The following PRKN variants were observed in gnomAD, a reference collection of about 807,000 sequenced individuals.
The protein encoded by PRKN is parkin RBR E3 ubiquitin protein ligase.
A neutral mutation model predicts 59.5 loss-of-function variants in PRKN; 56 were observed. The observed-to-expected ratio is 0.94, with a 90% CI of 0.76 to 1.18. The LOEUF (loss-of-function observed/expected upper bound fraction) is 1.18, where lower values mean the gene tolerates loss of function less well. Among genes scored for constraint, PRKN ranks in the 50% most tolerant of loss-of-function variants. PRKN has a pLI of 0.00. For synonymous variants in PRKN, 250 were observed against 222.1 expected (o/e 1.13, Z -1.12); for missense variants, 657 against 596.4 (o/e 1.10, Z -1.06).
At chr6:162,403,150 A>G (rs1787881740) in intron 2 of PRKN, among the ~76,000 whole-genome samples, 1 of 152,160 alleles carries the variant, frequency 6.6e-6, no homozygotes, top group Non-Finnish European at 1.5e-5. Flanking sequence ...CAGCATGTCC[A>G]TGAACGTGAA....
chr6:161,582,430 A>ATTT lies in PRKN; in HGVS notation c.872-13015_872-13014insAAA, dbSNP rs1473867406. ...TCTGCAGACTATTATTATTATTATT[A>ATTT]TTATTATTATTTTTGAGACAGAGTC... On this transcript the variant is annotated intron_variant, in intron 7 of 11. Coordinates refer to ENST00000366898, the MANE Select transcript of PRKN (RefSeq NM_004562.3). This position sits in a 1 kb window ranked among gnomAD's most constrained non-coding sequence, Gnocchi z 4.4. Among the ~76,000 whole-genome samples the ATTT allele has an allele frequency of 1.2e-4, 18 of 150,490 alleles. No homozygotes were observed. Among genetic ancestry groups the ATTT allele is most frequent in the Non-Finnish European group, 2.4e-4 (16 of 67,648 alleles).
At chr6:162,131,045 T>G (rs1781332303) in intron 4 of PRKN, among the ~76,000 whole-genome samples, 1 of 152,196 alleles carries the variant, frequency 6.6e-6, no homozygotes, top group Admixed American at 6.5e-5. Context: ...TTCACAATCA[T>G]TTCTATTTCA....
In PRKN at chr6:161,419,196, T is replaced by C. The variant is rs1282173682; in HGVS notation, c.1084-32319A>G. Among the ~76,000 whole-genome samples, 1 of 152,198 alleles carries C rather than the reference T, an allele frequency of 6.6e-6. No individual in the cohort carries two copies. Among genetic ancestry groups the C allele is most frequent in the African/African-American group, 2.4e-5 (1 of 41,446 alleles). ...CGTGCTACACAGAGTTTGATGCTTC[T>C]TGTGCGTGATCTCACCTGTTCCCCC... On this transcript the variant is annotated intron_variant, in intron 9 of 11. Transcript: ENST00000366898. This position sits in a 1 kb window ranked among gnomAD's most constrained non-coding sequence, Gnocchi z 4.1.
At chr6:162,275,640 C>T (rs1226981015) in intron 2 of PRKN, among the ~76,000 whole-genome samples, 4 of 151,998 alleles carry the variant, frequency 2.6e-5, no homozygotes, top group African/African-American at 9.7e-5. Flanking sequence ...CAAAAATTAG[C>T]CAGGCGTGGT....
intron 2 of PRKN, among the ~76,000 whole-genome samples, chr6:162,355,304 T>C (rs929013973): frequency 2.0e-5 from 3 of 151,800 alleles, no homozygotes; most frequent in African/African-American, 7.3e-5. Context: ...ATCTAAAACA[T>C]AGATCTCACA....
At chr6:162,344,456 A>G (rs778576414) in intron 2 of PRKN, among the ~76,000 whole-genome samples, 30 of 151,292 alleles carry the variant, frequency 2.0e-4, no homozygotes, top group Admixed American at 1.6e-3. Context: ...GCAGCATATG[A>G]TATTAGTTAT....
chr6:162,548,260 T>C (rs1482168310), intron 1 of PRKN, among the ~76,000 whole-genome samples: 1 of 151,978 alleles, frequency 6.6e-6, no homozygotes, highest in Non-Finnish European at 1.5e-5. Flanking sequence ...GGTTTCACCA[T>C]GTTGGCCAGG....
chr6:161,980,129 G>C (rs540899355), intron 5 of PRKN, among the ~76,000 whole-genome samples: 10 of 152,288 alleles, frequency 6.6e-5, no homozygotes, highest in African/African-American at 2.2e-4. Context: ...TTAGCAGTAA[G>C]ACCTGACTTA....
intron 1 of PRKN, among the ~76,000 whole-genome samples, chr6:162,494,058 C>T (rs1792940920): frequency 6.6e-6 from 1 of 152,212 alleles, no homozygotes; most frequent in Non-Finnish European, 1.5e-5. Context: ...TTTCCTGCCT[C>T]ATTGTGGAGA....
chr6:162,405,787 G>T (rs1246437201), intron 2 of PRKN, among the ~76,000 whole-genome samples: 1 of 152,098 alleles, frequency 6.6e-6, no homozygotes, highest in African/African-American at 2.4e-5. Context: ...AAGGAGACAG[G>T]CCTCAGGAAA....
In PRKN at chr6:161,353,222, C is replaced by T. The variant is rs184888622; in HGVS notation, c.1286-3011G>A. 9.8e-5 allele frequency among the ~76,000 whole-genome samples: 15 copies of T among 152,292 alleles called. No individual in the cohort carries two copies. The East Asian group carries it at 2.9e-3, about 29-fold the overall frequency. On this transcript the variant is annotated intron_variant, in intron 11 of 11. Coordinates refer to ENST00000366898, the MANE Select transcript of PRKN (RefSeq NM_004562.3). The surrounding 1 kb of genome is among the most constrained non-coding windows in gnomAD (Gnocchi z 4.8). ...TCTCCCTCCGACCTTTCCTTGCCCT[C>T]CTTTTACCAGCCCAGGGCAGGACTG...
At chr6:162,616,973 G>A (rs1221236227) in intron 1 of PRKN, among the ~76,000 whole-genome samples, 2 of 152,030 alleles carry the variant, frequency 1.3e-5, no homozygotes, top group Non-Finnish European at 2.9e-5. Context: ...GGTAACACTT[G>A]CATTGTTAAG....
At chr6:162,719,620 C>T (rs1375388588) in intron 1 of PRKN, among the ~76,000 whole-genome samples, 1 of 152,132 alleles carries the variant, frequency 6.6e-6, no homozygotes, top group Non-Finnish European at 1.5e-5. Context: ...ATTTCCATTG[C>T]AGACAATTCC....
intron 1 of PRKN, among the ~76,000 whole-genome samples, chr6:162,528,092 C>T (rs1004680516): frequency 7.0e-5 from 10 of 142,030 alleles, no homozygotes; most frequent in Admixed American, 5.0e-4. Flanking sequence ...GGGTGCGGGG[C>T]GGCGGGTCAC....
At chr6:162,236,384 A>T (rs1453032161) in intron 3 of PRKN, among the ~76,000 whole-genome samples, 1 of 152,166 alleles carries the variant, frequency 6.6e-6, no homozygotes, top group African/African-American at 2.4e-5. Context: ...CTCTCCTGAG[A>T]AGAAGCTGGC....
At chr6:161,871,659 C>G (rs1794346833) in intron 6 of PRKN, among the ~76,000 whole-genome samples, 2 of 152,190 alleles carry the variant, frequency 1.3e-5, no homozygotes, top group Non-Finnish European at 2.9e-5. Context: ...CCTGTACACA[C>G]TTTTTAAAAC....
At chr6:161,570,334 A>AAT (rs1298677558) in intron 7 of PRKN, among the ~76,000 whole-genome samples, 3 of 146,986 alleles carry the variant, frequency 2.0e-5, no homozygotes, top group African/African-American at 7.4e-5. Flanking sequence ...TATTGGCCTA[A>AAT]ATATATATAT....
At chr6:162,406,533 T>C (rs563251403) in intron 2 of PRKN, among the ~76,000 whole-genome samples, 2 of 152,312 alleles carry the variant, frequency 1.3e-5, no homozygotes, top group East Asian at 3.9e-4. Flanking sequence ...GTAGCAAATA[T>C]TCTATGAAAC....
At chr6:162,405,529 G>A (rs186194423) in intron 2 of PRKN, among the ~76,000 whole-genome samples, 119 of 152,264 alleles carry the variant, frequency 7.8e-4, no homozygotes, top group African/African-American at 2.5e-3. Context: ...CAGGTGCTAT[G>A]AAGTGAACCG....
Sources: allele counts gnomAD v4.1 joint callset (sites outside exome capture counted in the v4.1 genomes callset), GRCh38; gene constraint gnomAD v4.1.1; non-coding constraint Gnocchi (gnomAD v3.1); transcripts MANE v1.5; gene names NCBI Gene and HGNC (gene_info 2026-07-23, HGNC 2026-07-21).